Variants in PIWIL2 observed in about 807,000 individuals in gnomAD.
PIWIL2 encodes piwi-like protein 2.
PIWIL2 carries 81 observed loss-of-function variants against 116.5 expected under a neutral mutation model. The observed-to-expected ratio is 0.70, with a 90% confidence interval of 0.58 to 0.84. PIWIL2 has a LOEUF of 0.84. PIWIL2 is among the 40% of genes least tolerant of loss of function. The probability of loss-of-function intolerance (pLI) is 0.00; values close to 1 mark genes in which losing one functional copy is unlikely to be tolerated. For synonymous variants in PIWIL2, 489 were observed against 429.5 expected, an observed-to-expected ratio of 1.14 and a Z score of -1.71; for missense variants, 1,272 against 1,212.3, an observed-to-expected ratio of 1.05 and a Z score of -0.73.
At chr8:22,352,587 C>T (rs1419746173) in intron 20 of PIWIL2, among the ~76,000 whole-genome samples, 1 of 152,130 alleles carries the variant, frequency 6.6e-6, no homozygotes, top group Non-Finnish European at 1.5e-5. Flanking sequence ...TTACCTTATT[C>T]TTTGCCCCGA....
intron 13 of PIWIL2, among the ~76,000 whole-genome samples, chr8:22,307,092 T>C (rs1436658540): frequency 2.0e-5 from 3 of 152,254 alleles, no homozygotes; most frequent in African/African-American, 2.4e-5. Context: ...CTATGGCATA[T>C]AGTGTTAGAA....
At chr8:22,328,277 T>A (rs1464060103) in intron 20 of PIWIL2, among the ~76,000 whole-genome samples, 1 of 152,250 alleles carries the variant, frequency 6.6e-6, no homozygotes, top group Admixed American at 6.5e-5. Flanking sequence ...CTAATTCTAT[T>A]CCATTGGTCT....
intron 21 of PIWIL2, among the ~76,000 whole-genome samples, 189 bp downstream of exon 21, chr8:22,353,401 C>T (rs956406254): frequency 4.6e-5 from 7 of 152,060 alleles, no homozygotes; most frequent in East Asian, 1.9e-4. Context: ...GTAATCCCAA[C>T]GCTTTGGGAG....
chr8:22,281,961 C>T (rs955948701), intron 4 of PIWIL2, among the ~76,000 whole-genome samples: 2 of 150,906 alleles, frequency 1.3e-5, no homozygotes, highest in Non-Finnish European at 2.9e-5. Context: ...TTAGTAGAGA[C>T]GAGGTTTCAC....
intron 10 of PIWIL2, among the ~76,000 whole-genome samples, chr8:22,296,816 G>A (rs1413644181): frequency 6.6e-6 from 1 of 151,824 alleles, no homozygotes; most frequent in African/African-American, 2.4e-5. Context: ...TTTTCCCTTT[G>A]CCTGAAGAAC....
intron 20 of PIWIL2, among the ~76,000 whole-genome samples, chr8:22,334,923 C>T (rs868190698): frequency 2.6e-5 from 4 of 151,782 alleles, no homozygotes; most frequent in East Asian, 1.9e-4. Flanking sequence ...GGCGTGGTGG[C>T]GGGCACCTGT....
intron 4 of PIWIL2, 37 bp downstream of exon 4, chr8:22,281,552 C>A: frequency 2.0e-6 from 3 of 1,503,872 alleles, no homozygotes; most frequent in South Asian, 1.3e-5. Flanking sequence ...CTATCAAATT[C>A]AGATGGAATA....
At chr8:22,278,886 G>A (rs986710416) in intron 1 of PIWIL2, among the ~76,000 whole-genome samples, 6 of 152,202 alleles carry the variant, frequency 3.9e-5, no homozygotes, top group African/African-American at 1.4e-4. Flanking sequence ...TCTAATGCCT[G>A]ATGATCTGTC....
At chr8:22,341,681 A>G (rs1832113825) in intron 20 of PIWIL2, among the ~76,000 whole-genome samples, 1 of 152,034 alleles carries the variant, frequency 6.6e-6, no homozygotes, top group African/African-American at 2.4e-5. Flanking sequence ...CAAAAAAGCT[A>G]CAGCTAACAT....
At chr8:22,309,679 T>C (rs1297477146) in intron 14 of PIWIL2, among the ~76,000 whole-genome samples, 3 of 152,244 alleles carry the variant, frequency 2.0e-5, no homozygotes, top group Admixed American at 2.0e-4. Context: ...CTTTATTCAG[T>C]CATTCTAAAT....
At position 22,343,914 on chromosome 8, in the gene PIWIL2, C is replaced by T. The variant is rs140067397; in HGVS notation, c.2404-9045C>T. 2.6e-3 allele frequency among the ~76,000 whole-genome samples: 398 copies of T among 152,272 alleles called. 7 individuals are homozygous for T. The highest frequency in any genetic ancestry group is 0.023 in the Admixed American group (354 of 15,286). On this transcript the variant is annotated intron_variant, in intron 20 of 22. Transcript: ENST00000356766. The stretch of plus-strand genomic sequence containing the variant: ...TTTTCCCAAATAAGTTGAAAACTTA[C>T]GCCCACACAAAAACTTGCACGTGAA...
At chr8:22,298,423 A>T (rs897450358) in intron 10 of PIWIL2, among the ~76,000 whole-genome samples, 2 of 152,238 alleles carry the variant, frequency 1.3e-5, no homozygotes, top group African/African-American at 4.8e-5. Flanking sequence ...TGATTGGCTT[A>T]CATAAAGACC....
chr8:22,332,430 A>G (rs892594086), intron 20 of PIWIL2, among the ~76,000 whole-genome samples: 1 of 152,128 alleles, frequency 6.6e-6, no homozygotes, highest in African/African-American at 2.4e-5. Context: ...ATCTGAAAAG[A>G]CGATGGTGAG....
chr8:22,282,945 C>G, intron 4 of PIWIL2, 89 bp from the exon 5 acceptor site: 1 of 1,040,090 alleles, frequency 9.6e-7, no homozygotes, highest in Non-Finnish European at 1.5e-6. Flanking sequence ...CTGTCTCCTC[C>G]AGGAAGAGAT....
intron 10 of PIWIL2, among the ~76,000 whole-genome samples, chr8:22,302,274 C>T (rs924455863): frequency 6.6e-5 from 10 of 152,004 alleles, no homozygotes; most frequent in Non-Finnish European, 1.0e-4. Flanking sequence ...CACTGCTTCC[C>T]GGGTTCAAGT....
rs1391281652 is a variant in PIWIL2 at position 22,305,908 on chromosome 8, C to T, written c.1456-19C>T. 6.3e-7 allele frequency: 1 copy of T among 1,595,280 alleles called. No homozygotes were observed. ...CCTCTTGTACTGCCTTATTTTCCCT[C>T]TTCGTTCTCTCTTCAAAGCTGCTAA... On this transcript the variant is annotated intron_variant, in intron 12 of 22. Transcript: ENST00000356766.
intron 20 of PIWIL2, among the ~76,000 whole-genome samples, chr8:22,336,973 T>C (rs1439654569): frequency 6.6e-6 from 1 of 152,156 alleles, no homozygotes; most frequent in East Asian, 1.9e-4. Context: ...TGTGAACAAC[T>C]ATGTACCAAC....
intron 20 of PIWIL2, among the ~76,000 whole-genome samples, chr8:22,346,567 T>G (rs906083372): frequency 4.6e-5 from 7 of 152,192 alleles, no homozygotes; most frequent in African/African-American, 1.7e-4. Flanking sequence ...CACATGTGAT[T>G]TATTTAATAT....
At chr8:22,335,163 A>G (rs566779347) in intron 20 of PIWIL2, among the ~76,000 whole-genome samples, 1 of 152,308 alleles carries the variant, frequency 6.6e-6, no homozygotes, top group East Asian at 1.9e-4. Context: ...GAAAATAGCT[A>G]TTTAATACAA....
Sources: gnomAD v4.1 joint callset for allele counts (sites outside exome capture counted in the v4.1 genomes callset) on GRCh38, gnomAD v4.1.1 for gene constraint, MANE v1.5 for transcripts, NCBI Gene and HGNC (gene_info 2026-07-23, HGNC 2026-07-21) for gene names.